EDIL3: variants seen among roughly 807,000 people sequenced by gnomAD.
EDIL3 encodes EGF like and discoidin domains 3.
Under a neutral mutation model 67.4 loss-of-function variants are expected in EDIL3, and 37 were observed. The observed-to-expected ratio is 0.55, with a 90% CI of 0.42 to 0.72. The LOEUF (loss-of-function observed/expected upper bound fraction) is 0.72. Among genes scored for constraint, EDIL3 ranks in the 30% least tolerant of loss-of-function variants. The probability of loss-of-function intolerance (pLI) is 0.00; values close to 1 mark genes in which losing one functional copy is unlikely to be tolerated. For missense variants in EDIL3, 527 were observed against 586.3 expected (o/e 0.90, Z 1.04); for synonymous variants, 195 against 196.3 (o/e 0.99, Z 0.05).
chr5:84,276,723 C>T (rs1446125498), intron 1 of EDIL3, among the ~76,000 whole-genome samples: 1 of 151,964 alleles, frequency 6.6e-6, no homozygotes, highest in Non-Finnish European at 1.5e-5. Context: ...TGCACACCAC[C>T]ACGCTCGGCT....
At chr5:84,225,720 A>G (rs536667184) in intron 3 of EDIL3, among the ~76,000 whole-genome samples, 1 of 151,724 alleles carries the variant, frequency 6.6e-6, no homozygotes, top group African/African-American at 2.4e-5. Context: ...AATAGATCAT[A>G]ACTATTGAAT....
At chr5:84,268,597 A>G (rs912265981) in intron 1 of EDIL3, among the ~76,000 whole-genome samples, 1 of 152,210 alleles carries the variant, frequency 6.6e-6, no homozygotes, top group Non-Finnish European at 1.5e-5. Context: ...CTCTGTACAT[A>G]AAGATTTTCC....
At chr5:84,037,342 T>C (rs1746039645) in intron 9 of EDIL3, among the ~76,000 whole-genome samples, 1 of 152,214 alleles carries the variant, frequency 6.6e-6, no homozygotes, top group Non-Finnish European at 1.5e-5. Flanking sequence ...TCTATGCACA[T>C]TTTGTTTACC....
chr5:84,372,931 A>G (rs1747885666), intron 1 of EDIL3, among the ~76,000 whole-genome samples: 1 of 152,144 alleles, frequency 6.6e-6, no homozygotes, highest in African/African-American at 2.4e-5. Context: ...AGGCAATTAT[A>G]TATCTGCATT....
At chr5:84,293,557 T>G (rs1232463483) in intron 1 of EDIL3, among the ~76,000 whole-genome samples, 1 of 151,954 alleles carries the variant, frequency 6.6e-6, no homozygotes, top group African/African-American at 2.4e-5. Context: ...TCAAGTTCCA[T>G]CCGCATGTGT....
intron 3 of EDIL3, among the ~76,000 whole-genome samples, chr5:84,220,398 C>T (rs1561225726): frequency 6.6e-6 from 1 of 152,128 alleles, no homozygotes; most frequent in Admixed American, 6.5e-5. Flanking sequence ...CAACGCATGA[C>T]AATGCACATA....
intron 2 of EDIL3, 145 bp from the exon 3 acceptor site, chr5:84,230,029 A>G: frequency 2.9e-6 from 2 of 690,620 alleles, no homozygotes; most frequent in Non-Finnish European, 4.6e-6. Context: ...CAAGCCCCTG[A>G]CTTGTAATTT....
chr5:84,198,387 T>A (rs1481584395), intron 3 of EDIL3, among the ~76,000 whole-genome samples: 1 of 152,040 alleles, frequency 6.6e-6, no homozygotes, highest in African/African-American at 2.4e-5. Context: ...GACAGATGTA[T>A]TTTAAGAAAC....
intron 6 of EDIL3, among the ~76,000 whole-genome samples, chr5:84,094,081 A>G (rs1747217134): frequency 6.6e-6 from 1 of 152,216 alleles, no homozygotes; most frequent in Non-Finnish European, 1.5e-5. Flanking sequence ...TACAATATGC[A>G]CTACCACTAC....
chr5:84,095,907 T>C (rs1747254014), intron 6 of EDIL3, among the ~76,000 whole-genome samples: 1 of 152,208 alleles, frequency 6.6e-6, no homozygotes, highest in African/African-American at 2.4e-5. Flanking sequence ...AGTGGTTTTG[T>C]GGGCTGGGCC....
At chr5:84,183,550 G>A (rs9293367) in intron 3 of EDIL3, among the ~76,000 whole-genome samples, 83 of 152,214 alleles carry the variant, frequency 5.5e-4, no homozygotes, top group African/African-American at 2.0e-3. Flanking sequence ...TTTTGCAGGT[G>A]AGGAAAAAAA....
At chr5:84,049,181 C>T (rs532305883) in intron 9 of EDIL3, among the ~76,000 whole-genome samples, 1 of 152,176 alleles carries the variant, frequency 6.6e-6, no homozygotes, top group South Asian at 2.1e-4. Flanking sequence ...TTTTATGTGC[C>T]AATGCCAATA....
intron 7 of EDIL3, among the ~76,000 whole-genome samples, chr5:84,065,749 C>T (rs1015041505): frequency 4.6e-5 from 7 of 152,016 alleles, no homozygotes; most frequent in Non-Finnish European, 1.0e-4. Context: ...AGATATATAT[C>T]TCTTCTATCA....
chr5:84,091,348 T>C (rs777739276), intron 6 of EDIL3, among the ~76,000 whole-genome samples: 2 of 152,228 alleles, frequency 1.3e-5, no homozygotes, highest in Non-Finnish European at 2.9e-5. Flanking sequence ...AACTGTTAGA[T>C]CTTAAAGCTA....
chr5:84,214,899 A>G (rs1288782601), intron 3 of EDIL3, among the ~76,000 whole-genome samples: 1 of 151,906 alleles, frequency 6.6e-6, no homozygotes, highest in East Asian at 1.9e-4. Flanking sequence ...TTTGTGTTTT[A>G]GTAGAGATGG....
chr5:83,958,342 A>C (rs1395624544), intron 10 of EDIL3, among the ~76,000 whole-genome samples: 1 of 151,588 alleles, frequency 6.6e-6, no homozygotes, highest in Non-Finnish European at 1.5e-5. Context: ...TGCCATAATC[A>C]GACAATTATG....
At chr5:84,017,696 A>G (rs1408080715) in intron 9 of EDIL3, among the ~76,000 whole-genome samples, 1 of 152,178 alleles carries the variant, frequency 6.6e-6, no homozygotes, top group African/African-American at 2.4e-5. Flanking sequence ...CAGCATGCGC[A>G]CCCATTGGGC....
chr5:84,168,556 A>G (rs1200727997), intron 4 of EDIL3, among the ~76,000 whole-genome samples: 1 of 152,174 alleles, frequency 6.6e-6, no homozygotes, highest in African/African-American at 2.4e-5. Flanking sequence ...AATCATAAGA[A>G]CAGTATATTA....
chr5:84,322,843 G>A (rs1746676685), intron 1 of EDIL3, among the ~76,000 whole-genome samples: 1 of 151,898 alleles, frequency 6.6e-6, no homozygotes, highest in African/African-American at 2.4e-5. Context: ...ACGTACAAGG[G>A]ATTCTCAATA....
Sources: gnomAD v4.1 joint callset for allele counts (sites outside exome capture counted in the v4.1 genomes callset) on GRCh38, gnomAD v4.1.1 for gene constraint, MANE v1.5 for transcripts, NCBI Gene and HGNC (gene_info 2026-07-23, HGNC 2026-07-21) for gene names.